Variants in PTPRN2 observed in about 807,000 individuals in gnomAD.
PTPRN2 encodes protein tyrosine phosphatase receptor type N2, also known as receptor-type tyrosine-protein phosphatase N2.
In PTPRN2, 74 loss-of-function variants were observed where a neutral mutation model predicts 118.8. That is an observed-to-expected ratio of 0.62 (90% CI 0.52 to 0.76). PTPRN2 has a LOEUF of 0.76. Among genes scored for constraint, PTPRN2 ranks in the 30% least tolerant of loss-of-function variants. The probability of loss-of-function intolerance (pLI) is 0.00; values close to 1 mark genes in which losing one functional copy is unlikely to be tolerated. For synonymous variants in PTPRN2, 641 were observed against 608.0 expected, an observed-to-expected ratio of 1.05 and a Z score of -0.80; for missense variants, 1,481 against 1,394.4, an observed-to-expected ratio of 1.06 and a Z score of -0.99.
At chr7:157,872,002 A>C (rs1171473519) in intron 12 of PTPRN2, among the ~76,000 whole-genome samples, 14 of 38,228 alleles carry the variant, frequency 3.7e-4, no homozygotes, top group African/African-American at 1.1e-3. Flanking sequence ...CCCCACACAC[A>C]CATACCCAGT....
At chr7:157,949,941 A>C (rs1301980732) in intron 11 of PTPRN2, among the ~76,000 whole-genome samples, 1 of 152,192 alleles carries the variant, frequency 6.6e-6, no homozygotes, top group South Asian at 2.1e-4. Flanking sequence ...GCTTGCAACT[A>C]TCTGACTCAT....
rs142716505 is a variant in PTPRN2 at position 158,155,093 on chromosome 7, C to T, written c.910+11838G>A. The stretch of plus-strand genomic sequence containing the variant: ...CAGTTCATAATGACATTTTAAGTAG[C>T]TTTCAGTGCTCCAACTGGGCTCTCA... On this transcript the variant is annotated intron_variant, in intron 6 of 22. Coordinates refer to ENST00000389418, the MANE Select transcript of PTPRN2 (RefSeq NM_002847.5). Among the ~76,000 whole-genome samples the T allele has an allele frequency of 1.3e-3, 195 of 152,270 alleles. 1 individual carries two copies. The highest frequency in any genetic ancestry group is 4.2e-3 in the African/African-American group (175 of 41,546).
chr7:157,739,823 C>T (rs995968009), intron 12 of PTPRN2, among the ~76,000 whole-genome samples: 1 of 152,220 alleles, frequency 6.6e-6, no homozygotes, highest in African/African-American at 2.4e-5. Flanking sequence ...AGGACACCTC[C>T]CAAGGTGACC....
intron 12 of PTPRN2, among the ~76,000 whole-genome samples, chr7:157,762,148 A>G (rs1392971668): frequency 1.3e-5 from 2 of 152,074 alleles, no homozygotes; most frequent in Non-Finnish European, 2.9e-5. Context: ...TGTTGGTGGG[A>G]CTGCAAACTA....
intron 10 of PTPRN2, among the ~76,000 whole-genome samples, chr7:158,105,062 C>T (rs1377849794): frequency 1.3e-5 from 2 of 151,014 alleles, no homozygotes; most frequent in African/African-American, 4.9e-5. Flanking sequence ...CCACTCAGCT[C>T]TATCAAACTC....
intron 14 of PTPRN2, among the ~76,000 whole-genome samples, chr7:157,635,144 A>C (rs1238804422): frequency 6.6e-6 from 1 of 152,232 alleles, no homozygotes; most frequent in Admixed American, 6.5e-5. Flanking sequence ...ATGAGGACAA[A>C]GATGTAAATG....
intron 3 of PTPRN2, among the ~76,000 whole-genome samples, chr7:158,315,325 C>A (rs1222398813): frequency 1.5e-5 from 2 of 137,558 alleles, no homozygotes; most frequent in African/African-American, 2.9e-5. Context: ...CCGGGACCCC[C>A]TGAAGGACAG....
intron 3 of PTPRN2, among the ~76,000 whole-genome samples, chr7:158,236,689 G>A (rs1457562109): frequency 6.6e-6 from 1 of 152,146 alleles, no homozygotes; most frequent in Non-Finnish European, 1.5e-5. Context: ...CAGTTACCCG[G>A]TGCAACCTGT....
Position 157,917,909 on chromosome 7 carries a change from G to C in PTPRN2, c.1724-19172C>G, listed in dbSNP as rs545684830. Among the ~76,000 whole-genome samples the C allele has an allele frequency of 2.0e-5, 3 of 152,164 alleles. No homozygotes were observed. The East Asian group carries it at 5.8e-4, about 29-fold the overall frequency. On this transcript the variant is annotated intron_variant, in intron 11 of 22. Coordinates refer to ENST00000389418, the MANE Select transcript of PTPRN2 (RefSeq NM_002847.5). ...TAATAAGATTTTCCACCCATTTCAC[G>C]ATGTAATTGGCTTTCCCAACGCAAA...
intron 3 of PTPRN2, among the ~76,000 whole-genome samples, chr7:158,261,944 C>T (rs1797429330): frequency 6.6e-6 from 1 of 152,210 alleles, no homozygotes; most frequent in Non-Finnish European, 1.5e-5. Flanking sequence ...CCCTAAAGCC[C>T]GTGGTGGCTG....
chr7:158,536,174 A>G (rs937208795), intron 1 of PTPRN2, among the ~76,000 whole-genome samples: 5 of 152,132 alleles, frequency 3.3e-5, no homozygotes, highest in African/African-American at 1.2e-4. Context: ...ACTAAAATAA[A>G]GAAGGTCTGA....
chr7:157,699,619 G>C (rs1219167389), intron 12 of PTPRN2, among the ~76,000 whole-genome samples: 3 of 152,178 alleles, frequency 2.0e-5, no homozygotes. Flanking sequence ...GTAAAGACAG[G>C]GTTTTGCCAT....
At chr7:158,584,874 T>C (rs1187498143) in intron 1 of PTPRN2, among the ~76,000 whole-genome samples, 1 of 152,208 alleles carries the variant, frequency 6.6e-6, no homozygotes, top group Non-Finnish European at 1.5e-5. Flanking sequence ...ATAAAAAGAA[T>C]TGGTCTTTAG....
chr7:158,470,527 G>A (rs1447046338), intron 2 of PTPRN2, among the ~76,000 whole-genome samples: 1 of 152,166 alleles, frequency 6.6e-6, no homozygotes. Context: ...TGTGTCCCTC[G>A]ACGGAGCACG....
intron 3 of PTPRN2, among the ~76,000 whole-genome samples, chr7:158,306,059 C>A (rs915151389): frequency 3.3e-5 from 5 of 152,168 alleles, no homozygotes; most frequent in Non-Finnish European, 5.9e-5. Flanking sequence ...CCTGGAGGAC[C>A]CACTGGAAAG....
At chr7:157,775,775 C>T (rs920080279) in intron 12 of PTPRN2, among the ~76,000 whole-genome samples, 5 of 152,110 alleles carry the variant, frequency 3.3e-5, no homozygotes, top group East Asian at 1.9e-4. Flanking sequence ...TGGTGTCCCC[C>T]GCAGGCCTGC....
At chr7:157,732,129 C>T (rs1799978482) in intron 12 of PTPRN2, among the ~76,000 whole-genome samples, 1 of 102,106 alleles carries the variant, frequency 9.8e-6, no homozygotes, top group Non-Finnish European at 2.1e-5. Flanking sequence ...TACTCTTTTC[C>T]GCCCCATGCG....
intron 12 of PTPRN2, among the ~76,000 whole-genome samples, chr7:157,756,444 C>G (rs760328275): frequency 3.6e-4 from 54 of 151,956 alleles, no homozygotes; most frequent in Admixed American, 7.2e-4. Context: ...TACAGGTGTC[C>G]GTCACCACGC....
intron 2 of PTPRN2, among the ~76,000 whole-genome samples, chr7:158,430,951 G>A (rs1360127217): frequency 1.3e-5 from 2 of 152,184 alleles, no homozygotes; most frequent in Non-Finnish European, 2.9e-5. Flanking sequence ...AGACATGTTT[G>A]AGCAGAACCA....
Sources: allele counts gnomAD v4.1 joint callset (sites outside exome capture counted in the v4.1 genomes callset), GRCh38; gene constraint gnomAD v4.1.1; transcripts MANE v1.5; gene names NCBI Gene and HGNC (gene_info 2026-07-23, HGNC 2026-07-21).